SGCZ: variants seen among roughly 807,000 people sequenced by gnomAD.
SGCZ encodes the protein sarcoglycan zeta.
In SGCZ, 40 loss-of-function variants were observed where a neutral mutation model predicts 41.3. The ratio of observed to expected loss-of-function variants is 0.97; its 90% CI spans 0.75 to 1.26. The LOEUF is 1.26. Among genes scored for constraint, SGCZ ranks in the 50% most tolerant of loss-of-function variants. The pLI is 0.00. For synonymous variants in SGCZ, 206 were observed against 137.5 expected (o/e 1.50, Z -3.49); for missense variants, 552 against 369.8 (o/e 1.49, Z -4.04).
chr8:14,995,340 G>A (rs1802178266), intron 1 of SGCZ, among the ~76,000 whole-genome samples: 1 of 152,248 alleles, frequency 6.6e-6, no homozygotes, highest in Admixed American at 6.5e-5. Context: ...CGGTGGAAAA[G>A]AGAAAGGAAG....
At chr8:14,232,278 C>A (rs1055186508) in intron 4 of SGCZ, among the ~76,000 whole-genome samples, 1 of 151,938 alleles carries the variant, frequency 6.6e-6, no homozygotes, top group African/African-American at 2.4e-5. Flanking sequence ...ACTTCATAAA[C>A]CTTCTTGGAC....
chr8:15,156,002 G>A (rs985226908), intron 1 of SGCZ, among the ~76,000 whole-genome samples: 5 of 140,024 alleles, frequency 3.6e-5, no homozygotes, highest in African/African-American at 1.3e-4. Flanking sequence ...AGGTTGCAGT[G>A]AGCCAAGATC....
intron 1 of SGCZ, among the ~76,000 whole-genome samples, chr8:15,054,072 AG>A (rs1804618163): frequency 6.6e-6 from 1 of 152,238 alleles, no homozygotes; most frequent in Admixed American, 6.5e-5. Context: ...TTTAGAGTCT[AG>A]TACCTTGACA....
chr8:14,894,114 A>G (rs1805112946), intron 1 of SGCZ, among the ~76,000 whole-genome samples: 1 of 152,196 alleles, frequency 6.6e-6, no homozygotes, highest in African/African-American at 2.4e-5. Flanking sequence ...TTAATTAATG[A>G]CATGCATCTG....
intron 2 of SGCZ, among the ~76,000 whole-genome samples, chr8:14,367,597 A>G (rs1803759674): frequency 6.6e-6 from 1 of 152,110 alleles, no homozygotes; most frequent in Non-Finnish European, 1.5e-5. Flanking sequence ...GCAGAAGGCG[A>G]AAGAGGAGGA....
At chr8:14,935,329 A>T (rs1800050092) in intron 1 of SGCZ, among the ~76,000 whole-genome samples, 1 of 151,764 alleles carries the variant, frequency 6.6e-6, no homozygotes, top group South Asian at 2.1e-4. Context: ...TTCCATGTTG[A>T]CATACATAAC....
At chr8:14,235,063 C>A (rs760113798) in intron 4 of SGCZ, among the ~76,000 whole-genome samples, 6 of 152,208 alleles carry the variant, frequency 3.9e-5, no homozygotes, top group African/African-American at 9.7e-5. Flanking sequence ...TTTGTAGACA[C>A]TGACAACACC....
chr8:15,071,078 G>T (rs988072611), intron 1 of SGCZ, among the ~76,000 whole-genome samples: 1 of 152,084 alleles, frequency 6.6e-6, no homozygotes, highest in Non-Finnish European at 1.5e-5. Flanking sequence ...TTTTTCAAGG[G>T]AAAGAGAAAC....
At chr8:15,143,731 G>A (rs370186508) in intron 1 of SGCZ, among the ~76,000 whole-genome samples, 1 of 151,060 alleles carries the variant, frequency 6.6e-6, no homozygotes, top group African/African-American at 2.5e-5. Flanking sequence ...TTTAGTTATT[G>A]TAATTGCTTA....
rs376531710 is a variant in SGCZ at position 14,996,049 on chromosome 8, G to A, written c.39+241536C>T. On this transcript the variant is annotated intron_variant, in intron 1 of 7. Coordinates refer to ENST00000382080, the MANE Select transcript of SGCZ (RefSeq NM_139167.4). ...CTCCCGAGTAGCTGAGACTACAGGC[G>A]CCCGCCACCACGCCCAGCTAATTTT... Among the ~76,000 whole-genome samples, 559 of 151,924 alleles carry A rather than the reference G, an allele frequency of 3.7e-3. 4 individuals carry two copies. Among genetic ancestry groups the A allele is most frequent in the African/African-American group, 0.012 (507 of 41,424 alleles).
At chr8:15,138,593 T>C (rs1245636715) in intron 1 of SGCZ, among the ~76,000 whole-genome samples, 1 of 152,150 alleles carries the variant, frequency 6.6e-6, no homozygotes, top group African/African-American at 2.4e-5. Flanking sequence ...TCACAAGATC[T>C]GGTGGTTTTA....
intron 5 of SGCZ, among the ~76,000 whole-genome samples, chr8:14,122,832 C>T (rs1023268268): frequency 1.1e-4 from 16 of 151,880 alleles, no homozygotes; most frequent in Non-Finnish European, 2.2e-4. Flanking sequence ...GAAACATTAT[C>T]ACATCTTAAA....
Position 14,808,343 on chromosome 8 carries a change from G to A in SGCZ, c.40-253417C>T, listed in dbSNP as rs534844492. ...TCGCAACCTACTCATCTGACAAAGG[G>A]CTAATATCCAGAATCTACGATGAAC... On this transcript the variant is annotated intron_variant, in intron 1 of 7. Transcript: ENST00000382080. Among the ~76,000 whole-genome samples, 51 of 152,052 alleles carry A rather than the reference G, an allele frequency of 3.4e-4. No homozygotes were observed. The Middle Eastern group carries it at 0.01, about 30-fold the overall frequency.
At chr8:14,907,925 A>T (rs1282683780) in intron 1 of SGCZ, among the ~76,000 whole-genome samples, 3 of 152,216 alleles carry the variant, frequency 2.0e-5, no homozygotes, top group Non-Finnish European at 4.4e-5. Context: ...AGTTATTAAT[A>T]GTACAGTATA....
intron 1 of SGCZ, among the ~76,000 whole-genome samples, chr8:14,828,408 G>A (rs1001162538): frequency 2.6e-5 from 4 of 152,064 alleles, no homozygotes; most frequent in East Asian, 1.9e-4. Flanking sequence ...TACACCATTC[G>A]GACTAAAAAA....
chr8:14,459,823 T>C (rs1186598556), intron 2 of SGCZ, among the ~76,000 whole-genome samples: 1 of 152,082 alleles, frequency 6.6e-6, no homozygotes, highest in Non-Finnish European at 1.5e-5. Context: ...ATAAACGCAA[T>C]ATAATCAAAA....
At chr8:14,726,311 CATATATATATATCTATATAT>C (rs1343867419) in intron 1 of SGCZ, among the ~76,000 whole-genome samples, 16 of 107,674 alleles carry the variant, frequency 1.5e-4, no homozygotes, top group Non-Finnish European at 2.0e-4. Flanking sequence ...TGTGTAAATA[CATATATATATATCTATATAT>C]ATATATATAT....
At chr8:14,545,601 A>T (rs768054292) in intron 2 of SGCZ, among the ~76,000 whole-genome samples, 1 of 152,192 alleles carries the variant, frequency 6.6e-6, no homozygotes, top group Non-Finnish European at 1.5e-5. Context: ...TATTTCATAA[A>T]GTTCAATGTG....
At chr8:14,737,018 T>C (rs1246110674) in intron 1 of SGCZ, among the ~76,000 whole-genome samples, 1 of 150,810 alleles carries the variant, frequency 6.6e-6, no homozygotes, top group Non-Finnish European at 1.5e-5. Flanking sequence ...CTCTGGTATA[T>C]AGATATATAT....
Sources: gnomAD v4.1 joint callset for allele counts (sites outside exome capture counted in the v4.1 genomes callset) on GRCh38, gnomAD v4.1.1 for gene constraint, MANE v1.5 for transcripts, NCBI Gene and HGNC (gene_info 2026-07-23, HGNC 2026-07-21) for gene names.